TRIM31: variants seen among roughly 807,000 people sequenced by gnomAD.
TRIM31 encodes tripartite motif containing 31.
Under a neutral mutation model 40.6 loss-of-function variants are expected in TRIM31, and 31 were observed. That is an observed-to-expected ratio of 0.76 (90% CI 0.57 to 1.03). The LOEUF (loss-of-function observed/expected upper bound fraction) is 1.03. Among genes scored for constraint, TRIM31 ranks in the 50% least tolerant of loss-of-function variants. The pLI, the probability that TRIM31 is intolerant of heterozygous loss-of-function variation, is 0.00. For synonymous variants in TRIM31, 164 were observed against 193.9 expected (o/e 0.85, Z 1.28); for missense variants, 455 against 497.5 (o/e 0.91, Z 0.81).
At chr6:30,106,661 T>C (rs1314030106) in intron 6 of TRIM31, among the ~76,000 whole-genome samples, 1 of 151,368 alleles carries the variant, frequency 6.6e-6, no homozygotes, top group African/African-American at 2.4e-5. Context: ...TGAGTTTGTG[T>C]ATGTGAAAGA....
In TRIM31 at chr6:30,110,499, G is replaced by A. The variant is rs773764177; in HGVS notation, c.693C>T (p.Leu231=). 9.5e-5 allele frequency: 154 copies of A among 1,614,126 alleles called. No homozygotes were observed. The East Asian group carries it at 3.0e-3, about 32-fold the overall frequency. The change falls in exon 4 of 9, where the codon CTC becomes CTT. Residue 231 remains leucine (L), a synonymous_variant. Transcript: ENST00000376734. ...TCTGCTTGGTCTTCAGGGAATCAAC[G>A]AGCTTCTTGAGATCGTTCAACTGTG... is the stretch of plus-strand genomic sequence containing the variant. ...TEPQLNDLKK[L]VDSLKTKQNM...
In TRIM31 at chr6:30,112,719, G is replaced by T; in HGVS notation, c.87C>A (p.Ile29=). The T allele has an allele frequency of 1.2e-6, 2 of 1,613,034 alleles. No homozygotes were observed. The highest frequency in any genetic ancestry group is 2.2e-5 in the East Asian group (1 of 44,886). Residue 29 remains isoleucine, a synonymous_variant, in exon 2 of 9, where the codon ATC becomes ATA. Transcript: ENST00000376734. The stretch of plus-strand genomic sequence containing the variant: ...TGAGGCAGAAATTGTGCCCACAGTC[G>T]ATGGTGACAGGTTTCTGCAGAATGT... The part of the protein sequence containing the change: ...CLDILQKPVT[I]DCGHNFCLKC...
Position 30,103,457 on chromosome 6 carries a change from G to A in TRIM31, c.*79C>T, listed in dbSNP as rs1486309332. On this transcript the variant is annotated 3_prime_UTR_variant, in exon 9 of 9. Coordinates refer to ENST00000376734, the MANE Select transcript of TRIM31 (RefSeq NM_007028.5). The stretch of plus-strand genomic sequence containing the variant: ...TCCACTAAGTCAAGAACCGTGGTCG[G>A]TCTCAGCCACTCACTCAGCGCCACT... 6.3e-7 allele frequency: 1 copy of A among 1,585,090 alleles called. No individual in the cohort carries two copies. The highest frequency in any genetic ancestry group is 8.6e-7 in the Non-Finnish European group (1 of 1,167,670).
intron 6 of TRIM31, among the ~76,000 whole-genome samples, chr6:30,106,597 GAA>G (rs147839000): frequency 6.7e-6 from 1 of 148,308 alleles, no homozygotes; most frequent in Non-Finnish European, 1.5e-5. Context: ...AAAAATAAGA[GAA>G]AAAAAAAAGA....
Position 30,110,524 on chromosome 6 carries a change from G to A in TRIM31, c.668C>T (p.Pro223Leu), listed in dbSNP as rs750812506. ...GAGCTTCTTGAGATCGTTCAACTGTGGCTCAGTGGAGGCAACATAGTGTTT... is the reference window on the plus strand; with the variant it reads ...GAGCTTCTTGAGATCGTTCAACTGTAGCTCAGTGGAGGCAACATAGTGTTT... The part of the protein sequence containing the change: ...AGKHYVASTE[P>L]QLNDLKKLVD... The change falls in exon 4 of 9, where the codon CCA becomes CTA. Residue 223 changes from proline to leucine, a missense_variant. By Grantham distance (98) the Pro-to-Leu change is moderately conservative. Transcript: ENST00000376734. 1 of 1,614,172 alleles carries A rather than the reference G, an allele frequency of 6.2e-7. No individual in the cohort carries two copies. Among genetic ancestry groups the A allele is most frequent in the Admixed American group, 1.7e-5 (1 of 60,026 alleles).
Position 30,108,121 on chromosome 6 carries a change from A to T in TRIM31, c.815T>A (p.Leu272Gln). 3 of 1,612,250 alleles carry T rather than the reference A, an allele frequency of 1.9e-6. No individual in the cohort carries two copies. The highest frequency in any genetic ancestry group is 2.5e-6 in the Non-Finnish European group (3 of 1,179,302). ...TTTTGCTTCACTGAGTTTTTTCTCCAGTTCCAGAGGAACAGGGGTTGGGTT... is the reference window on the plus strand; with the variant it reads ...TTTTGCTTCACTGAGTTTTTTCTCCTGTTCCAGAGGAACAGGGGTTGGGTT... ...FLNPTPVPLELEKKLSEAKSR... is the reference protein window; with the variant it reads ...FLNPTPVPLEQEKKLSEAKSR... The change falls in exon 6 of 9, where the codon CTG becomes CAG. Residue 272 changes from leucine to glutamine, a missense_variant. By Grantham distance (113) the Leu-to-Gln change is moderately radical. Coordinates refer to ENST00000376734, the MANE Select transcript of TRIM31 (RefSeq NM_007028.5).
intron 1 of TRIM31, 61 bp downstream of exon 1, chr6:30,113,003 A>G (rs1408271010): frequency 7.4e-6 from 4 of 544,094 alleles, no homozygotes; most frequent in Non-Finnish European, 1.2e-5. Flanking sequence ...ATGATAGAAA[A>G]GCGTAAAATT....
chr6:30,107,266 C>T (rs956767146), intron 6 of TRIM31, among the ~76,000 whole-genome samples: 4 of 148,150 alleles, frequency 2.7e-5, no homozygotes, highest in African/African-American at 7.5e-5. Context: ...TTATGTCTGC[C>T]GAGTGGAGAT....
chr6:30,108,213 G>A (rs1768916541), intron 5 of TRIM31, 45 bp from the exon 6 acceptor site: 11 of 1,391,928 alleles, frequency 7.9e-6, no homozygotes, highest in East Asian at 6.8e-5. Flanking sequence ...AGGGGATGAG[G>A]TGTGGGAGAA....
At chr6:30,111,299 G>T (rs9261421) in intron 3 of TRIM31, 20,739 of 272,900 alleles carry the variant, frequency 0.076, 1,014 homozygotes, top group East Asian at 0.1. Flanking sequence ...CTCCCAGAGT[G>T]CTGTGATTAC....
rs147666096 is a variant in TRIM31 at position 30,104,111 on chromosome 6, A to T, written c.1015T>A (p.Ser339Thr). ...KMNKTSEPGS[S>T]SAGGRTTSGP... ...GAGACAGGACTCTTACCTGCAGAAGATGACCCGGGCTCTGAGGTTTTGTTC... is the reference window on the plus strand; with the variant it reads ...GAGACAGGACTCTTACCTGCAGAAGTTGACCCGGGCTCTGAGGTTTTGTTC... The change falls in exon 8 of 9, where the codon TCT becomes ACT. Residue 339 changes from serine to threonine, a missense_variant. Ser to Thr is a moderately conservative substitution (Grantham distance 58). Transcript: ENST00000376734. The T allele has an allele frequency of 4.3e-6, 7 of 1,612,946 alleles. No individual in the cohort carries two copies. The highest frequency in any genetic ancestry group is 1.7e-5 in the Admixed American group (1 of 60,006).
At chr6:30,105,901 C>G (rs543080695) in intron 6 of TRIM31, among the ~76,000 whole-genome samples, 7 of 152,260 alleles carry the variant, frequency 4.6e-5, no homozygotes, top group Admixed American at 1.3e-4. Flanking sequence ...TAAGGGGGGG[C>G]CCCACTCTCC....
intron 4 of TRIM31, 68 bp from the exon 5 acceptor site, chr6:30,109,116 C>G: frequency 6.5e-7 from 1 of 1,548,090 alleles, no homozygotes; most frequent in Non-Finnish European, 8.9e-7. Context: ...GGAGGAGATA[C>G]AGAGCCTGCT....
chr6:30,103,354 T>A lies in TRIM31; in HGVS notation c.*182A>T, dbSNP rs1768365980. On this transcript the variant is annotated 3_prime_UTR_variant, in exon 9 of 9. Coordinates refer to ENST00000376734, the MANE Select transcript of TRIM31 (RefSeq NM_007028.5). The stretch of plus-strand genomic sequence containing the variant: ...AGAATTCGTCCATTCCTTCTCCAAC[T>A]CTCTTCACCACCACCCCCGCCCCCA... 2 of 862,916 alleles carry A rather than the reference T, an allele frequency of 2.3e-6. No homozygotes were observed. The highest frequency in any genetic ancestry group is 2.3e-5 in the Admixed American group (1 of 43,022). The allele number at this position is 862,916 out of a possible 1,614,324, so 53.5% of individuals were successfully genotyped here. A position where few individuals can be genotyped will look rare whatever the true frequency, so the allele number is the denominator to read the frequency against.
chr6:30,108,247 A>T, intron 5 of TRIM31, 79 bp from the exon 6 acceptor site: 1 of 995,280 alleles, frequency 1.0e-6, no homozygotes, highest in Non-Finnish European at 1.6e-6. Context: ...TACGCGGTTG[A>T]GAAATGAGGG....
At chr6:30,108,736 G>C (rs924902116) in intron 5 of TRIM31, 2 of 559,540 alleles carry the variant, frequency 3.6e-6, no homozygotes, top group African/African-American at 3.8e-5. Flanking sequence ...CAGGGAGACA[G>C]AGTAGGGGAC....
At chr6:30,111,513 G>A in intron 3 of TRIM31, 135 bp downstream of exon 3, 2 of 842,736 alleles carry the variant, frequency 2.4e-6, no homozygotes, top group Non-Finnish European at 1.9e-6. Context: ...CGCCTGGCCG[G>A]TCAGGTGCTG....
chr6:30,105,095 T>C (rs1768543922), intron 7 of TRIM31, 73 bp downstream of exon 7: 1 of 1,357,136 alleles, frequency 7.4e-7, no homozygotes, highest in Non-Finnish European at 1.0e-6. Context: ...CATGTAATCA[T>C]AGAGACACAA....
chr6:30,105,900 G>C (rs560519684), intron 6 of TRIM31, among the ~76,000 whole-genome samples: 1 of 152,282 alleles, frequency 6.6e-6, no homozygotes, highest in African/African-American at 2.4e-5. Context: ...GTAAGGGGGG[G>C]CCCCACTCTC....
Sources: allele counts gnomAD v4.1 joint callset (sites outside exome capture counted in the v4.1 genomes callset), GRCh38; gene constraint gnomAD v4.1.1; transcripts MANE v1.5; gene names NCBI Gene and HGNC (gene_info 2026-07-23, HGNC 2026-07-21).